Variants in ZNHIT6 observed in about 807,000 individuals in gnomAD.
ZNHIT6 encodes the protein box C/D snoRNA protein 1.
A neutral mutation model predicts 57.2 loss-of-function variants in ZNHIT6; 45 were observed. The ratio of observed to expected loss-of-function variants is 0.79; its 90% confidence interval spans 0.62 to 1.01. The LOEUF (loss-of-function observed/expected upper bound fraction) is 1.01, where lower values mean the gene tolerates loss of function less well. ZNHIT6 is among the 50% of genes least tolerant of loss of function. The pLI, the probability that ZNHIT6 is intolerant of heterozygous loss-of-function variation, is 0.00. For synonymous variants in ZNHIT6, 188 were observed against 190.0 expected (o/e 0.99, Z 0.09); for missense variants, 528 against 567.3 (o/e 0.93, Z 0.70).
At chr1:85,694,786 A>C (rs927421215) in intron 5 of ZNHIT6, among the ~76,000 whole-genome samples, 1 of 152,198 alleles carries the variant, frequency 6.6e-6, no homozygotes, top group Admixed American at 6.5e-5. Flanking sequence ...AAAATATGGG[A>C]AAAAACTTTA....
chr1:85,694,983 G>A (rs1662324369), intron 5 of ZNHIT6, among the ~76,000 whole-genome samples: 2 of 152,100 alleles, frequency 1.3e-5, no homozygotes, highest in African/African-American at 4.8e-5. Flanking sequence ...ATGAAAATAA[G>A]ATGGGCACAG....
At chr1:85,677,587 G>A (rs921095016) in intron 7 of ZNHIT6, among the ~76,000 whole-genome samples, 1 of 152,062 alleles carries the variant, frequency 6.6e-6, no homozygotes, top group African/African-American at 2.4e-5. Context: ...GTGACATTTT[G>A]TCTTACTGGC....
rs759895028 is a variant in ZNHIT6, at chr1:85,706,302, T to C, written c.776A>G (p.Asp259Gly). 5 of 1,613,378 alleles carry C rather than the reference T, an allele frequency of 3.1e-6. No individual in the cohort carries two copies. In the East Asian group the frequency reaches 1.1e-4, roughly 36 times the overall value. ...KAELTCNGVRDKTAYISIQQF... is the reference protein window; with the variant it reads ...KAELTCNGVRGKTAYISIQQF... ...TTGTATTGAAATGTATGCAGTTTTATCTCGAACTCCATTACATGTCAGTTC... is the reference window on the plus strand; with the variant it reads ...TTGTATTGAAATGTATGCAGTTTTACCTCGAACTCCATTACATGTCAGTTC... The change falls in exon 3 of 10, where the codon GAT becomes GGT. Residue 259 changes from aspartate (D) to glycine (G), a missense_variant. Transcript: ENST00000370574.
intron 5 of ZNHIT6, among the ~76,000 whole-genome samples, chr1:85,695,991 G>A (rs999425615): frequency 6.6e-6 from 1 of 152,254 alleles, no homozygotes; most frequent in Non-Finnish European, 1.5e-5. Flanking sequence ...AGCTGAGATC[G>A]TGCCACTGCA....
chr1:85,658,543 T>C (rs1661129910), intron 8 of ZNHIT6, among the ~76,000 whole-genome samples: 1 of 149,714 alleles, frequency 6.7e-6, no homozygotes, highest in African/African-American at 2.4e-5. Flanking sequence ...AAGTTATCAA[T>C]TTTCATACCA....
intron 7 of ZNHIT6, among the ~76,000 whole-genome samples, chr1:85,677,912 T>C (rs1237113301): frequency 1.3e-5 from 2 of 152,218 alleles, no homozygotes; most frequent in Non-Finnish European, 2.9e-5. Flanking sequence ...CACACTCTAA[T>C]AACAATCTCC....
intron 5 of ZNHIT6, among the ~76,000 whole-genome samples, chr1:85,691,920 G>A (rs895948262): frequency 6.6e-6 from 1 of 152,038 alleles, no homozygotes; most frequent in African/African-American, 2.4e-5. Context: ...TGTAATCCCA[G>A]CACTTTAGGA....
intron 9 of ZNHIT6, among the ~76,000 whole-genome samples, chr1:85,655,252 C>T (rs566864819): frequency 6.6e-5 from 10 of 152,182 alleles, no homozygotes; most frequent in Middle Eastern, 3.4e-3. Context: ...GTTTTACATG[C>T]GTGTTCCAGT....
intron 5 of ZNHIT6, among the ~76,000 whole-genome samples, chr1:85,698,731 A>G (rs1387275505): frequency 6.6e-6 from 1 of 152,146 alleles, no homozygotes; most frequent in Admixed American, 6.5e-5. Context: ...TAACTCCTTC[A>G]GCAGCAAAAC....
rs142935394 is a variant in ZNHIT6 at position 85,708,153 on chromosome 1, G to A, written c.132C>T (p.Gly44=). Reference sequence around the variant, plus strand: ...CTGTCAGCCCTGTCCCCTCCTCTCCGCCGCCGAACTCCTCCGCCCCTGCTA... The same window carrying A: ...CTGTCAGCCCTGTCCCCTCCTCTCCACCGCCGAACTCCTCCGCCCCTGCTA... ...RDLAGAEEFG[G]GEEGTGLTGI... The change falls in exon 1 of 10, where the codon GGC becomes GGT. Residue 44 remains glycine, a synonymous_variant. Transcript: ENST00000370574. 2.8e-3 allele frequency: 4,593 copies of A among 1,613,750 alleles called. 13 individuals carry two copies. Among genetic ancestry groups the A allele is most frequent in the Non-Finnish European group, 3.2e-3 (3,761 of 1,179,956 alleles).
chr1:85,681,489 T>C (rs950865552), intron 5 of ZNHIT6, among the ~76,000 whole-genome samples: 2 of 152,226 alleles, frequency 1.3e-5, no homozygotes, highest in Admixed American at 6.5e-5. Flanking sequence ...TTTAGAGACA[T>C]TGACATGATT....
Position 85,682,477 on chromosome 1 carries a change from C to T in ZNHIT6, c.1020-1573G>A, listed in dbSNP as rs572648703. 9.1e-4 allele frequency among the ~76,000 whole-genome samples: 139 copies of T among 152,200 alleles called. 1 individual carries two copies. The highest frequency in any genetic ancestry group is 9.7e-4 in the Non-Finnish European group (66 of 68,012). On this transcript the variant is annotated intron_variant, in intron 5 of 9. Transcript: ENST00000370574. ...ATTCTTGCTTGAGTAATTTCAAAAA[C>T]CATTCGCCTTTTAACATTTAATACA...
intron 5 of ZNHIT6, among the ~76,000 whole-genome samples, chr1:85,684,156 T>C (rs1215356217): frequency 2.0e-5 from 3 of 152,212 alleles, no homozygotes; most frequent in African/African-American, 7.2e-5. Flanking sequence ...CTATACCTAG[T>C]ATATTCTAGG....
chr1:85,698,724 C>T (rs1473810240), intron 5 of ZNHIT6, among the ~76,000 whole-genome samples: 1 of 152,126 alleles, frequency 6.6e-6, no homozygotes, highest in African/African-American at 2.4e-5. Flanking sequence ...AGATTTTTAA[C>T]TCCTTCAGCA....
rs543785760 is a variant in ZNHIT6 at position 85,702,450 on chromosome 1, A to C, written c.916-190T>G. Among the ~76,000 whole-genome samples, 423 of 152,296 alleles carry C rather than the reference A, an allele frequency of 2.8e-3. 1 individual carries two copies. The highest frequency in any genetic ancestry group is 8.6e-3 in the Admixed American group (131 of 15,300). ...GTACTATCATCTCCATTTTAGCAAT[A>C]AAAATTAGTGAGATCCCAACATCAT... On this transcript the variant is annotated intron_variant, in intron 4 of 9. Transcript: ENST00000370574.
rs1351485013 is a variant in ZNHIT6, at chr1:85,657,922, T to G, written c.1297A>C (p.Lys433Gln). Reference sequence around the variant, plus strand: ...AATGTTGGATACTCAATGATCACTTTGTTCCTCAAATTGTCTAGGAGACTT... The same window carrying G: ...AATGTTGGATACTCAATGATCACTTGGTTCCTCAAATTGTCTAGGAGACTT... ...YKSLLDNLRN[K>Q]VIIEYPTLHV... The change falls in exon 9 of 10, where the codon AAA (lysine) becomes CAA (glutamine). Residue 433 changes from lysine (K) to glutamine (Q), a missense_variant. Physicochemically the swap from Lys to Gln is moderately conservative, Grantham distance 53. Coordinates refer to ENST00000370574, the MANE Select transcript of ZNHIT6 (RefSeq NM_017953.4). 1 of 1,596,326 alleles carries G rather than the reference T, an allele frequency of 6.3e-7. No homozygotes were observed. Among genetic ancestry groups the G allele is most frequent in the Non-Finnish European group, 8.6e-7 (1 of 1,166,954 alleles).
chr1:85,655,581 G>A (rs1253614666), intron 9 of ZNHIT6, among the ~76,000 whole-genome samples: 3 of 152,228 alleles, frequency 2.0e-5, no homozygotes, highest in Middle Eastern at 6.8e-3. Context: ...GCCTATTGAA[G>A]GTGCCCAGTT....
At chr1:85,660,595 T>C (rs1661197743) in intron 8 of ZNHIT6, among the ~76,000 whole-genome samples, 1 of 151,056 alleles carries the variant, frequency 6.6e-6, no homozygotes, top group South Asian at 2.1e-4. Context: ...TACATAAAAA[T>C]TACTATGCAA....
At chr1:85,706,215 G>A in intron 3 of ZNHIT6, 34 bp downstream of exon 3, 1 of 1,609,804 alleles carries the variant, frequency 6.2e-7, no homozygotes, top group Non-Finnish European at 8.5e-7. Flanking sequence ...CAATGGCCAG[G>A]AAGCCTCAAT....
Sources: gnomAD v4.1 joint callset for allele counts (sites outside exome capture counted in the v4.1 genomes callset) on GRCh38, gnomAD v4.1.1 for gene constraint, MANE v1.5 for transcripts, NCBI Gene and HGNC (gene_info 2026-07-23, HGNC 2026-07-21) for gene names.